Variants in ACTR3B observed in about 807,000 individuals in gnomAD.
The protein encoded by ACTR3B is actin-related protein 3B.
A neutral mutation model predicts 59.0 loss-of-function variants in ACTR3B; 8 were observed. That is an observed-to-expected ratio of 0.14 (90% CI 0.08 to 0.24). ACTR3B has a LOEUF of 0.24. ACTR3B is among the 10% of genes least tolerant of loss of function. The pLI is 1.00. For synonymous variants in ACTR3B, 148 were observed against 197.9 expected (o/e 0.75, Z 2.12); for missense variants, 245 against 552.3 (o/e 0.44, Z 5.58).
At chr7:152,797,690 C>T (rs903082362) in intron 2 of ACTR3B, among the ~76,000 whole-genome samples, 2 of 152,082 alleles carry the variant, frequency 1.3e-5, no homozygotes, top group Non-Finnish European at 2.9e-5. Flanking sequence ...TTCCCATCCC[C>T]GAACAGCCTC....
chr7:152,809,812 A>T (rs529645834), intron 4 of ACTR3B, among the ~76,000 whole-genome samples: 16 of 152,212 alleles, frequency 1.1e-4, no homozygotes, highest in South Asian at 6.2e-4. Context: ...AAGTGTTGGG[A>T]TTATAGGTGT....
chr7:152,820,544 C>T lies in ACTR3B; in HGVS notation c.684+102C>T, dbSNP rs527284397. The T allele has an allele frequency of 4.7e-6, 7 of 1,477,188 alleles. No homozygotes were observed. In the South Asian group the frequency reaches 8.2e-5, roughly 17 times the overall value. The allele number at this position is 1,477,188 out of a possible 1,614,324, so 91.5% of individuals were successfully genotyped here. Reference sequence around the variant, plus strand: ...TCCCTGCTCCTCCTTTCCTTCCTCTCCCCTTCCCATGAATGTGGGGCTTGA... The same window carrying T: ...TCCCTGCTCCTCCTTTCCTTCCTCTTCCCTTCCCATGAATGTGGGGCTTGA... On this transcript the variant is annotated intron_variant, in intron 7 of 11. Transcript: ENST00000256001.
At chr7:152,829,044 G>GTATATATATA (rs749504905) in intron 9 of ACTR3B, among the ~76,000 whole-genome samples, 204 of 143,896 alleles carry the variant, frequency 1.4e-3, no homozygotes, top group African/African-American at 5.3e-3. Flanking sequence ...GTGTGTGTGT[G>GTATATATATA]TATATATATA....
intron 4 of ACTR3B, among the ~76,000 whole-genome samples, chr7:152,804,765 C>A (rs1388970328): frequency 2.0e-5 from 3 of 152,214 alleles, no homozygotes; most frequent in African/African-American, 7.2e-5. Context: ...TCTGCACCAG[C>A]TGGGGTGGTT....
chr7:152,763,488 A>G (rs866948134), intron 1 of ACTR3B, among the ~76,000 whole-genome samples: 3 of 151,802 alleles, frequency 2.0e-5, no homozygotes, highest in South Asian at 2.1e-4. Flanking sequence ...CAGTGGCACA[A>G]TCTCTGCTCA....
chr7:152,796,865 T>G (rs1312801940), intron 2 of ACTR3B, among the ~76,000 whole-genome samples: 5 of 44,552 alleles, frequency 1.1e-4, no homozygotes, highest in African/African-American at 2.3e-4. Flanking sequence ...TTTGTGTTTT[T>G]TTTTTTTTTT....
intron 1 of ACTR3B, among the ~76,000 whole-genome samples, chr7:152,781,216 T>TTC (rs1563084838): frequency 1.4e-5 from 2 of 147,224 alleles, no homozygotes; most frequent in African/African-American, 5.1e-5. Context: ...TTTTTTTTTT[T>TTC]CTGAAACCCA....
At chr7:152,834,430 A>G (rs1304860368) in intron 9 of ACTR3B, among the ~76,000 whole-genome samples, 1 of 152,248 alleles carries the variant, frequency 6.6e-6, no homozygotes, top group South Asian at 2.1e-4. Context: ...CTGGGATTAC[A>G]AGTGTGAGCC....
intron 1 of ACTR3B, among the ~76,000 whole-genome samples, chr7:152,778,762 A>G (rs1205058186): frequency 6.6e-6 from 1 of 151,526 alleles, no homozygotes; most frequent in Non-Finnish European, 1.5e-5. Context: ...CAACATAGGA[A>G]GACCCCTCTG....
intron 2 of ACTR3B, among the ~76,000 whole-genome samples, chr7:152,790,309 C>T (rs1485068801): frequency 2.0e-5 from 3 of 152,150 alleles, no homozygotes; most frequent in African/African-American, 7.2e-5. Flanking sequence ...GGAGGAGTTA[C>T]TTTAATACAT....
chr7:152,810,840 C>T (rs900852876), intron 4 of ACTR3B: 3 of 150,972 alleles, frequency 2.0e-5, no homozygotes, highest in Non-Finnish European at 4.4e-5. Context: ...GAGGTGGAGT[C>T]TCCCAGAGAT....
At chr7:152,834,471 T>C (rs1303726461) in intron 9 of ACTR3B, among the ~76,000 whole-genome samples, 1 of 152,240 alleles carries the variant, frequency 6.6e-6, no homozygotes, top group Non-Finnish European at 1.5e-5. Context: ...TTTATGTTAT[T>C]ACTTCATCTT....
chr7:152,794,680 C>A (rs1465622407), intron 2 of ACTR3B, among the ~76,000 whole-genome samples: 1 of 151,790 alleles, frequency 6.6e-6, no homozygotes, highest in Non-Finnish European at 1.5e-5. Flanking sequence ...TGGTGTCAGT[C>A]AGTGTGCCAT....
intron 9 of ACTR3B, 63 bp from the exon 10 acceptor site, chr7:152,852,063 G>T (rs1275013269): frequency 1.2e-6 from 2 of 1,611,942 alleles, no homozygotes; most frequent in African/African-American, 1.3e-5. Context: ...TCTGTTGTGG[G>T]TGGTTCCCGG....
chr7:152,803,614 T>C (rs1277506805), intron 4 of ACTR3B, among the ~76,000 whole-genome samples: 1 of 152,094 alleles, frequency 6.6e-6, no homozygotes, highest in Non-Finnish European at 1.5e-5. Flanking sequence ...GGAGCAAATA[T>C]GGACCACCAC....
intron 9 of ACTR3B, among the ~76,000 whole-genome samples, chr7:152,838,808 A>G (rs184710548): frequency 0.026 from 3,946 of 151,346 alleles, 54 homozygotes; most frequent in Middle Eastern, 0.09. Flanking sequence ...TTGGCCCTCA[A>G]GGCCAGGGTT....
intron 2 of ACTR3B, among the ~76,000 whole-genome samples, chr7:152,797,115 T>C (rs977022976): frequency 6.6e-6 from 1 of 152,162 alleles, no homozygotes; most frequent in Middle Eastern, 3.4e-3. Context: ...TTTTTTGATA[T>C]AGGGTCTCAC....
chr7:152,807,705 C>T (rs1466235977), intron 4 of ACTR3B, among the ~76,000 whole-genome samples: 1 of 152,186 alleles, frequency 6.6e-6, no homozygotes, highest in Non-Finnish European at 1.5e-5. Context: ...ATATGCTTTA[C>T]ATTTGCATTT....
intron 2 of ACTR3B, among the ~76,000 whole-genome samples, chr7:152,788,922 C>T (rs1387313413): frequency 1.3e-5 from 2 of 152,226 alleles, no homozygotes; most frequent in African/African-American, 4.8e-5. Flanking sequence ...ACTTGGAAGG[C>T]TGAGGCATGA....
Sources: allele counts gnomAD v4.1 joint callset (sites outside exome capture counted in the v4.1 genomes callset), GRCh38; gene constraint gnomAD v4.1.1; transcripts MANE v1.5; gene names NCBI Gene and HGNC (gene_info 2026-07-23, HGNC 2026-07-21).